CLIC4: variants seen among roughly 807,000 people sequenced by gnomAD.
The protein encoded by CLIC4 is CLIC family member 4.
In CLIC4, 13 loss-of-function variants were observed where a neutral mutation model predicts 24.6. That is an observed-to-expected ratio of 0.53 (90% CI 0.34 to 0.84). The LOEUF (loss-of-function observed/expected upper bound fraction) is 0.84. Among genes scored for constraint, CLIC4 ranks in the 40% least tolerant of loss-of-function variants. The pLI is 0.01. For missense variants in CLIC4, 227 were observed against 301.7 expected (o/e 0.75, Z 1.83); for synonymous variants, 104 against 111.3 (o/e 0.93, Z 0.41).
At chr1:24,840,270 A>G (rs1183999929) in intron 5 of CLIC4, among the ~76,000 whole-genome samples, 1 of 152,232 alleles carries the variant, frequency 6.6e-6, no homozygotes. Context: ...CTGCATACAA[A>G]TTCAAAGATA....
intron 1 of CLIC4, among the ~76,000 whole-genome samples, chr1:24,780,979 C>T (rs1020000676): frequency 4.0e-5 from 6 of 149,974 alleles, no homozygotes; most frequent in Non-Finnish European, 7.4e-5. Context: ...CCCAGCTACT[C>T]GGGAGGCTAA....
intron 2 of CLIC4, among the ~76,000 whole-genome samples, chr1:24,806,710 A>C (rs1639553680): frequency 6.6e-6 from 1 of 152,222 alleles, no homozygotes; most frequent in African/African-American, 2.4e-5. Flanking sequence ...TATTAAAGTT[A>C]AAACTGCCAA....
At chr1:24,756,456 A>G (rs1043363484) in intron 1 of CLIC4, among the ~76,000 whole-genome samples, 7 of 152,346 alleles carry the variant, frequency 4.6e-5, no homozygotes, top group Admixed American at 1.3e-4. Flanking sequence ...GAAATAAACT[A>G]GGAGTATGAC....
At chr1:24,799,565 C>A (rs1405273663) in intron 2 of CLIC4, among the ~76,000 whole-genome samples, 7 of 149,550 alleles carry the variant, frequency 4.7e-5, no homozygotes, top group African/African-American at 1.8e-4. Context: ...AGGAGCGTCT[C>A]CGCCCGGCCA....
intron 2 of CLIC4, among the ~76,000 whole-genome samples, chr1:24,799,038 C>T (rs1019504259): frequency 3.2e-4 from 49 of 152,328 alleles, no homozygotes; most frequent in African/African-American, 1.1e-3. Context: ...CCCAAAGTGC[C>T]GAGATTGCAG....
At chr1:24,781,136 T>A (rs76484604) in intron 1 of CLIC4, among the ~76,000 whole-genome samples, 1 of 16,598 alleles carries the variant, frequency 6.0e-5, no homozygotes, top group African/African-American at 1.8e-4. Flanking sequence ...GTAACTGAAT[T>A]TTTTTTTTTT....
At chr1:24,812,514 A>G (rs1239724947) in intron 2 of CLIC4, among the ~76,000 whole-genome samples, 1 of 152,134 alleles carries the variant, frequency 6.6e-6, no homozygotes, top group East Asian at 1.9e-4. Flanking sequence ...TTGAAACCAG[A>G]CACTAACTCT....
intron 1 of CLIC4, among the ~76,000 whole-genome samples, chr1:24,792,067 A>T (rs930136197): frequency 4.0e-5 from 6 of 149,962 alleles, no homozygotes; most frequent in Admixed American, 1.3e-4. Flanking sequence ...AAAAAAAAAA[A>T]AAAGAAATTT....
At chr1:24,791,988 G>GACAC (rs1639344882) in intron 1 of CLIC4, among the ~76,000 whole-genome samples, 1 of 149,884 alleles carries the variant, frequency 6.7e-6, no homozygotes, top group Admixed American at 6.7e-5. Flanking sequence ...GGTAGAGGTT[G>GACAC]CAATGAGCCG....
intron 1 of CLIC4, among the ~76,000 whole-genome samples, chr1:24,769,095 C>T (rs554036830): frequency 3.3e-5 from 5 of 152,230 alleles, no homozygotes; most frequent in Non-Finnish European, 2.9e-5. Context: ...CACCACTCCA[C>T]TCCAGCCTGG....
intron 1 of CLIC4, among the ~76,000 whole-genome samples, chr1:24,774,336 T>C (rs565522427): frequency 2.2e-4 from 34 of 152,370 alleles, no homozygotes; most frequent in African/African-American, 7.5e-4. Context: ...AAATTAGTGT[T>C]CTGTGTTTCT....
At chr1:24,776,361 C>G (rs185696688) in intron 1 of CLIC4, among the ~76,000 whole-genome samples, 34 of 152,298 alleles carry the variant, frequency 2.2e-4, no homozygotes, top group African/African-American at 7.0e-4. Context: ...TTCCTTTCCT[C>G]CAAGTGCCAA....
intron 1 of CLIC4, among the ~76,000 whole-genome samples, chr1:24,758,526 C>T (rs934536742): frequency 2.4e-4 from 36 of 151,892 alleles, no homozygotes; most frequent in Admixed American, 1.8e-3. Context: ...GGTGCGATCT[C>T]GGCTCACTGC....
Position 24,795,926 on chromosome 1 carries a change from C to G in CLIC4, c.73-1816C>G, listed in dbSNP as rs1332467557. ...GAGGCGGGTACACCTACAAGTTTCC[C>G]TTTTTACTTTGCCTTACGAAGAATA... On this transcript the variant is annotated intron_variant, in intron 1 of 5. Transcript: ENST00000374379. Among the ~76,000 whole-genome samples, 4 of 152,226 alleles carry G rather than the reference C, an allele frequency of 2.6e-5. No homozygotes were observed. The East Asian group carries it at 7.7e-4, about 29-fold the overall frequency.
intron 3 of CLIC4, among the ~76,000 whole-genome samples, chr1:24,825,763 A>G (rs1177238638): frequency 6.6e-6 from 1 of 152,260 alleles, no homozygotes; most frequent in African/African-American, 2.4e-5. Context: ...AGATACATGA[A>G]TATAAAAGCT....
At chr1:24,820,665 A>G (rs1048181103) in intron 3 of CLIC4, among the ~76,000 whole-genome samples, 1 of 152,188 alleles carries the variant, frequency 6.6e-6, no homozygotes, top group East Asian at 1.9e-4. Context: ...GTCACTGTAG[A>G]TCATTGTATC....
Position 24,763,510 on chromosome 1 carries a change from A to G in CLIC4, c.72+17885A>G, listed in dbSNP as rs554588471. Among the ~76,000 whole-genome samples the G allele has an allele frequency of 2.9e-5, 4 of 138,568 alleles. No homozygotes were observed. In the South Asian group the frequency reaches 9.3e-4, roughly 32 times the overall value. 90.9% of individuals were successfully genotyped at this position (138,568 alleles called of 152,430 possible). The stretch of plus-strand genomic sequence containing the variant: ...AATCGAAATCATGCCACTGCACTCC[A>G]TGACAGAGTGAGACTCCGTCTCCAA... On this transcript the variant is annotated intron_variant, in intron 1 of 5. Coordinates refer to ENST00000374379, the MANE Select transcript of CLIC4 (RefSeq NM_013943.3).
chr1:24,770,335 CT>C (rs996896318), intron 1 of CLIC4, among the ~76,000 whole-genome samples: 159 of 148,446 alleles, frequency 1.1e-3, no homozygotes, highest in Middle Eastern at 3.6e-3. Flanking sequence ...AAGGAAGTTT[CT>C]TTTTGTGGAG....
rs1430661796 is a variant in CLIC4, at chr1:24,826,900, T to C, written c.309-110T>C. 6.1e-6 allele frequency: 4 copies of C among 655,228 alleles called. No individual in the cohort carries two copies. In the East Asian group the frequency reaches 1.1e-4, roughly 18 times the overall value. The allele number at this position is 655,228 out of a possible 1,614,324, so 40.6% of individuals were successfully genotyped here. A position where few individuals can be genotyped will look rare whatever the true frequency, so the allele number is the denominator to read the frequency against. ...AGAAAACAAATGATGGTATTTCTTA[T>C]AGTAATAACTATTAAAAGACGTCTA... On this transcript the variant is annotated intron_variant, in intron 3 of 5. Transcript: ENST00000374379.
Sources: allele counts gnomAD v4.1 joint callset (sites outside exome capture counted in the v4.1 genomes callset), GRCh38; gene constraint gnomAD v4.1.1; transcripts MANE v1.5; gene names NCBI Gene and HGNC (gene_info 2026-07-23, HGNC 2026-07-21).